The following BCL11B variants were observed in gnomAD, a reference collection of about 807,000 sequenced individuals.
BCL11B encodes B-cell lymphoma/leukemia 11B.
Under a neutral mutation model 49.9 loss-of-function variants are expected in BCL11B, and 8 were observed. That is an observed-to-expected ratio of 0.16 (90% CI 0.09 to 0.29). The LOEUF (loss-of-function observed/expected upper bound fraction) is 0.29. Among genes scored for constraint, BCL11B ranks in the 10% least tolerant of loss-of-function variants. The pLI is 1.00. For synonymous variants in BCL11B, 739 were observed against 637.4 expected (o/e 1.16, Z -2.40); for missense variants, 1,006 against 1,351.0 (o/e 0.74, Z 4.00).
At position 99,231,880 on chromosome 14, in the gene BCL11B, AC is replaced by A. The variant is rs1200017690; in HGVS notation, c.428-324del. Among the ~76,000 whole-genome samples, 2 of 150,868 alleles carry A rather than the reference AC, an allele frequency of 1.3e-5. No individual in the cohort carries two copies. Among genetic ancestry groups the A allele is most frequent in the Admixed American group, 1.3e-4 (2 of 15,194 alleles). ...CTGTGAGGACCCACTCTCAGGAAGG[AC>A]CCCCCACGTGGGGGCCTCTGGAGCA... is the stretch of plus-strand genomic sequence containing the variant. On this transcript the variant is annotated intron_variant, in intron 2 of 3. Transcript: ENST00000357195. This position sits in a 1 kb window ranked among gnomAD's most constrained non-coding sequence, Gnocchi z 8.1.
At chr14:99,179,960 G>A (rs1240878944) in intron 3 of BCL11B, among the ~76,000 whole-genome samples, 4 of 152,126 alleles carry the variant, frequency 2.6e-5, no homozygotes, top group Admixed American at 1.3e-4. Context: ...TTGAAAACTC[G>A]CTAAATATTT....
rs1439916653 is a variant in BCL11B at position 99,175,881 on chromosome 14, G to C, written c.955C>G (p.Pro319Ala). 1 of 1,470,744 alleles carries C rather than the reference G, an allele frequency of 6.8e-7. No homozygotes were observed. The highest frequency in any genetic ancestry group is 9.0e-7 in the Non-Finnish European group (1 of 1,115,672). 91.1% of individuals were successfully genotyped at this position (1,470,744 alleles called of 1,614,324 possible). A position where few individuals can be genotyped will look rare whatever the true frequency, so the allele number is the denominator to read the frequency against. Residue 319 changes from proline to alanine, a missense_variant, in exon 4 of 4, where the codon CCC becomes GCC. Physicochemically the swap from Pro to Ala is conservative, Grantham distance 27. This residue lies in a region of BCL11B where 411 missense variants were observed against 542.2 expected (regional missense o/e 0.76). Transcript: ENST00000357195. ...GGGTCCAGGTGGTGGCGCGGCGGGG[G>C]ACTGAAGAGAGGCGGCGTGCCCGGC... ...RLPGTPPLFS[P>A]PPRHHLDPHR...
chr14:99,220,532 G>T (rs1295885978), intron 3 of BCL11B, among the ~76,000 whole-genome samples: 2 of 152,218 alleles, frequency 1.3e-5, no homozygotes, highest in African/African-American at 4.8e-5. Context: ...GGAACCTAGA[G>T]TAGTCACATT....
rs1889673183 is a variant in BCL11B, at chr14:99,271,288, A to AGCCGCCGCCGC, written c.-81_-71dup. ...GGGGGGAGCCGGGGGAGGGGGTCCG[A>AGCCGCCGCCGC]GCCGCCGCCGCGCCGCTGCCGCCGC... On this transcript the variant is annotated 5_prime_UTR_variant, in exon 1 of 4. Coordinates refer to ENST00000357195, the MANE Select transcript of BCL11B (RefSeq NM_138576.4). 2 of 1,095,254 alleles carry AGCCGCCGCCGC rather than the reference A, an allele frequency of 1.8e-6. No individual in the cohort carries two copies. The highest frequency in any genetic ancestry group is 2.6e-4 in the Middle Eastern group (1 of 3,804). 67.8% of individuals were successfully genotyped at this position (1,095,254 alleles called of 1,614,324 possible).
intron 2 of BCL11B, among the ~76,000 whole-genome samples, chr14:99,255,685 C>T (rs189217441): frequency 1.1e-4 from 17 of 152,294 alleles, no homozygotes; most frequent in Admixed American, 9.1e-4. Flanking sequence ...GATCGATGTG[C>T]ACTGAGGCCA....
intron 3 of BCL11B, among the ~76,000 whole-genome samples, chr14:99,209,660 G>A (rs1887633120): frequency 6.6e-6 from 1 of 152,182 alleles, no homozygotes; most frequent in South Asian, 2.1e-4. Flanking sequence ...ATGGCTGCAG[G>A]AAGACAGGAG....
intron 2 of BCL11B, among the ~76,000 whole-genome samples, chr14:99,233,753 C>T (rs989120857): frequency 1.1e-4 from 17 of 152,220 alleles, no homozygotes; most frequent in African/African-American, 3.9e-4. Flanking sequence ...CGATGTCACA[C>T]ACCACACGTT....
chr14:99,236,795 G>A (rs1486491565), intron 2 of BCL11B, among the ~76,000 whole-genome samples: 5 of 152,150 alleles, frequency 3.3e-5, no homozygotes, highest in Non-Finnish European at 7.3e-5. Context: ...CCATCCCAAC[G>A]GCTCCAAGAG....
At chr14:99,190,541 T>C (rs142722321) in intron 3 of BCL11B, among the ~76,000 whole-genome samples, 1 of 152,154 alleles carries the variant, frequency 6.6e-6, no homozygotes, top group African/African-American at 2.4e-5. Flanking sequence ...TCTGTGCCTT[T>C]GTTTTGTTTT....
chr14:99,178,326 T>C (rs1886599428), intron 3 of BCL11B, among the ~76,000 whole-genome samples: 1 of 152,242 alleles, frequency 6.6e-6, no homozygotes, highest in Admixed American at 6.5e-5. Context: ...TGAGGCTATC[T>C]TCTTTCTCCA....
intron 2 of BCL11B, among the ~76,000 whole-genome samples, chr14:99,234,266 A>C (rs1395302692): frequency 1.3e-5 from 2 of 152,144 alleles, no homozygotes; most frequent in Non-Finnish European, 2.9e-5. Context: ...GAATAGATCC[A>C]AAACCACTGA....
rs537116468 is a variant in BCL11B at position 99,258,351 on chromosome 14, C to G, written c.59-512G>C. On this transcript the variant is annotated intron_variant, in intron 1 of 3. Transcript: ENST00000357195. ...GGTGATTCCAATGGGCAGCCAGGGCCGAGAACCAGTGAGCTGGAGCCCTTT... is the reference window on the plus strand; with the variant it reads ...GGTGATTCCAATGGGCAGCCAGGGCGGAGAACCAGTGAGCTGGAGCCCTTT... Among the ~76,000 whole-genome samples the G allele has an allele frequency of 2.0e-3, 299 of 152,278 alleles. 1 individual carries two copies. The highest frequency in any genetic ancestry group is 6.9e-3 in the African/African-American group (287 of 41,556).
At chr14:99,256,868 G>A (rs374021259) in intron 2 of BCL11B, among the ~76,000 whole-genome samples, 49 of 152,184 alleles carry the variant, frequency 3.2e-4, no homozygotes, top group African/African-American at 1.1e-3. Context: ...CCCTGGGGTC[G>A]GGCAATGTCA....
At chr14:99,203,729 G>C (rs1199667788) in intron 3 of BCL11B, among the ~76,000 whole-genome samples, 1 of 152,178 alleles carries the variant, frequency 6.6e-6, no homozygotes, top group Non-Finnish European at 1.5e-5. Context: ...GGACAAGAGA[G>C]GACGTGGTTA....
chr14:99,182,791 T>C (rs751254461), intron 3 of BCL11B, among the ~76,000 whole-genome samples: 2 of 152,186 alleles, frequency 1.3e-5, no homozygotes, highest in Non-Finnish European at 2.9e-5. Flanking sequence ...CTCCAGGCCT[T>C]GGACTCCTCT....
chr14:99,246,547 C>T (rs1888846117), intron 2 of BCL11B, among the ~76,000 whole-genome samples: 1 of 152,304 alleles, frequency 6.6e-6, no homozygotes, highest in African/African-American at 2.4e-5. Flanking sequence ...GGGAGGCCCC[C>T]GCGCAGTTTT....
At chr14:99,189,668 C>T (rs1050772429) in intron 3 of BCL11B, among the ~76,000 whole-genome samples, 2 of 152,214 alleles carry the variant, frequency 1.3e-5, no homozygotes, top group African/African-American at 4.8e-5. Context: ...TTGGTTCTCC[C>T]AGGACTGCCC....
In BCL11B at chr14:99,184,596, C is replaced by T. The variant is rs185611107; in HGVS notation, c.641-8401G>A. Among the ~76,000 whole-genome samples, 905 of 145,992 alleles carry T rather than the reference C, an allele frequency of 6.2e-3. 36 individuals are homozygous for T. The East Asian group carries it at 0.11, about 17-fold the overall frequency. On this transcript the variant is annotated intron_variant, in intron 3 of 3. Transcript: ENST00000357195. This position sits in a 1 kb window ranked among gnomAD's most constrained non-coding sequence, Gnocchi z 6.1. The stretch of plus-strand genomic sequence containing the variant: ...CACCCGGGTCCGTCTGACCCCAGAG[C>T]GTGTGCTGGGGTCCAGACTCACAAC...
chr14:99,269,523 C>CT (rs1425009111), intron 1 of BCL11B, among the ~76,000 whole-genome samples: 1 of 125,716 alleles, frequency 8.0e-6, no homozygotes, highest in Non-Finnish European at 2.0e-5. Context: ...ATTCCCCCCC[C>CT]CCCAAAAAAA....
Sources: gnomAD v4.1 joint callset for allele counts (sites outside exome capture counted in the v4.1 genomes callset) on GRCh38, gnomAD v4.1.1 for gene constraint, gnomAD v4.1.1 regional missense constraint, Gnocchi (gnomAD v3.1) non-coding constraint, MANE v1.5 for transcripts, NCBI Gene and HGNC (gene_info 2026-07-23, HGNC 2026-07-21) for gene names.